The following ANK1 variants were observed in gnomAD, a reference collection of about 807,000 sequenced individuals.
The protein encoded by ANK1 is ankyrin 1.
In ANK1, 51 loss-of-function variants were observed where a neutral mutation model predicts 210.4. That is an observed-to-expected ratio of 0.24 (90% confidence interval 0.19 to 0.31). The LOEUF is 0.31. Among genes scored for constraint, ANK1 ranks in the 10% least tolerant of loss-of-function variants. The pLI is 1.00. For missense variants in ANK1, 2,051 were observed against 2,504.4 expected, an observed-to-expected ratio of 0.82 and a Z score of 3.86; for synonymous variants, 967 against 1,025.9, an observed-to-expected ratio of 0.94 and a Z score of 1.10.
chr8:41,700,568 G>T, intron 22 of ANK1: 1 of 1,086,888 alleles, frequency 9.2e-7, no homozygotes. Flanking sequence ...AGTTGACAAA[G>T]TTATACAACC....
chr8:41,780,213 A>AT (rs559427583), intron 1 of ANK1, among the ~76,000 whole-genome samples: 1 of 151,882 alleles, frequency 6.6e-6, no homozygotes, highest in African/African-American at 2.4e-5. Context: ...TTCTTTTAGA[A>AT]TTTTTTTTAG....
chr8:41,760,039 A>G lies in ANK1; in HGVS notation c.28-1902T>C, dbSNP rs75548427. ...CAACAGATTTCTTAAATGAGAGTGA[A>G]GCTCTTCTGTTCCTTAGCTGCTGCT... On this transcript the variant is annotated intron_variant, in intron 1 of 42. Transcript: ENST00000289734. Among the ~76,000 whole-genome samples the G allele has an allele frequency of 6.7e-3, 1,014 of 152,300 alleles. 15 individuals carry two copies. Among genetic ancestry groups the G allele is most frequent in the African/African-American group, 0.023 (973 of 41,546 alleles).
chr8:41,737,757 G>A (rs1260423597), intron 2 of ANK1, among the ~76,000 whole-genome samples: 1 of 152,202 alleles, frequency 6.6e-6, no homozygotes. Context: ...AACCCCACTG[G>A]GCACAGTTAA....
intron 3 of ANK1, among the ~76,000 whole-genome samples, chr8:41,733,126 A>G (rs752065877): frequency 6.6e-6 from 1 of 152,234 alleles, no homozygotes; most frequent in Non-Finnish European, 1.5e-5. Flanking sequence ...TTTGCAATCT[A>G]TAGATGTATC....
Position 41,692,765 on chromosome 8 carries a change from C to T in ANK1, c.3741G>A (p.Lys1247=). The T allele has an allele frequency of 6.2e-7, 1 of 1,614,032 alleles. No homozygotes were observed. The highest frequency in any genetic ancestry group is 1.1e-5 in the South Asian group (1 of 91,036). ...PYMAKFVIFA[K]MNDPREGRLR... The stretch of plus-strand genomic sequence containing the variant: ...GGCGCCCCTCTCGGGGGTCATTCAT[C>T]TTGGCAAAGATGACGAATTTGGCCA... The change falls in exon 31 of 43, where the codon AAG becomes AAA. Residue 1247 remains lysine, a synonymous_variant. Transcript: ENST00000289734.
chr8:41,892,029 C>T (rs1280112284), intron 1 of ANK1, among the ~76,000 whole-genome samples: 3 of 152,294 alleles, frequency 2.0e-5, no homozygotes, highest in Middle Eastern at 3.4e-3. Context: ...TCAATTTTGT[C>T]GGCAATCTCT....
At chr8:41,695,862 C>T (rs1187641179) in intron 26 of ANK1, among the ~76,000 whole-genome samples, 1 of 152,218 alleles carries the variant, frequency 6.6e-6, no homozygotes. Context: ...AGCAAAGCTC[C>T]AGGAGGAGCC....
chr8:41,703,896 G>A (rs904001284), intron 20 of ANK1, 145 bp downstream of exon 20: 11 of 732,620 alleles, frequency 1.5e-5, no homozygotes, highest in Non-Finnish European at 2.4e-5. Context: ...CATCCCCAGG[G>A]TACCCAAGGT....
At chr8:41,877,274 CCTAA>C (rs1816768082) in intron 1 of ANK1, among the ~76,000 whole-genome samples, 1 of 152,272 alleles carries the variant, frequency 6.6e-6, no homozygotes, top group Non-Finnish European at 1.5e-5. Flanking sequence ...ACCATGGCCT[CCTAA>C]CTACCAGTCT....
intron 40 of ANK1, among the ~76,000 whole-genome samples, chr8:41,663,096 GTGTC>G (rs1239163815): frequency 2.4e-5 from 2 of 82,212 alleles, no homozygotes; most frequent in African/African-American, 9.7e-5. Context: ...GTGTGTGTGT[GTGTC>G]TCTCTCTCTC....
intron 1 of ANK1, among the ~76,000 whole-genome samples, chr8:41,827,167 C>T (rs186072501): frequency 3.9e-5 from 6 of 152,362 alleles, no homozygotes; most frequent in Admixed American, 3.3e-4. Flanking sequence ...GCTCCATATT[C>T]CCCTACCCTT....
intron 1 of ANK1, among the ~76,000 whole-genome samples, chr8:41,772,144 C>T (rs566047078): frequency 5.3e-5 from 8 of 152,290 alleles, no homozygotes; most frequent in South Asian, 2.1e-4. Flanking sequence ...ATGACCGTCG[C>T]GCTTAACCCT....
intron 1 of ANK1, among the ~76,000 whole-genome samples, chr8:41,758,558 T>A (rs1014610457): frequency 6.6e-6 from 1 of 152,060 alleles, no homozygotes; most frequent in Non-Finnish European, 1.5e-5. Context: ...CTCAGGCTGG[T>A]CTCAAACTCC....
chr8:41,857,364 G>A (rs1028758950), intron 1 of ANK1, among the ~76,000 whole-genome samples: 14 of 151,404 alleles, frequency 9.2e-5, no homozygotes, highest in South Asian at 2.1e-4. Context: ...TTGGGAGGCC[G>A]AGGCAGGTGG....
intron 2 of ANK1, among the ~76,000 whole-genome samples, chr8:41,757,346 C>T (rs1425622238): frequency 3.9e-5 from 6 of 152,164 alleles, no homozygotes; most frequent in Non-Finnish European, 1.5e-5. Flanking sequence ...CAAACAAAAC[C>T]TGTCACCAAT....
intron 1 of ANK1, among the ~76,000 whole-genome samples, chr8:41,764,681 C>G (rs1841346812): frequency 6.6e-6 from 1 of 152,234 alleles, no homozygotes; most frequent in Non-Finnish European, 1.5e-5. Context: ...CCCTCCTCAT[C>G]TCTAGCTTCG....
chr8:41,697,590 A>C, intron 24 of ANK1: 1 of 330,992 alleles, frequency 3.0e-6, no homozygotes, highest in Non-Finnish European at 6.0e-6. Context: ...TTCTGTGCTA[A>C]CTGGGTTCAT....
At chr8:41,723,408 T>G in intron 8 of ANK1, 127 bp downstream of exon 8, 2 of 1,218,006 alleles carry the variant, frequency 1.6e-6, no homozygotes, top group Non-Finnish European at 2.4e-6. Flanking sequence ...AGAATACTGC[T>G]GCAGGCGGCT....
rs6474360 is a variant in ANK1 at position 41,698,286 on chromosome 8, A to G, written c.2559-165T>C. ...CTCCTCCTCCATGAAGTCCTCCCCAATGACTCCAACCTGCACTTGTCGCCC... is the reference window on the plus strand; with the variant it reads ...CTCCTCCTCCATGAAGTCCTCCCCAGTGACTCCAACCTGCACTTGTCGCCC... On this transcript the variant is annotated intron_variant, in intron 23 of 42. Coordinates refer to ENST00000289734, the MANE Select transcript of ANK1 (RefSeq NM_000037.4). Among the ~76,000 whole-genome samples, 16,576 of 152,204 alleles carry G rather than the reference A, an allele frequency of 0.11. 1,549 individuals are homozygous for G. Among genetic ancestry groups the G allele is most frequent in the African/African-American group, 0.26 (10,584 of 41,484 alleles).
Sources: gnomAD v4.1 joint callset for allele counts (sites outside exome capture counted in the v4.1 genomes callset) on GRCh38, gnomAD v4.1.1 for gene constraint, MANE v1.5 for transcripts, NCBI Gene and HGNC (gene_info 2026-07-23, HGNC 2026-07-21) for gene names.